ERC2: variants seen among roughly 807,000 people sequenced by gnomAD.
The protein encoded by ERC2 is ELKS/RAB6-interacting/CAST family member 2.
In ERC2, 42 loss-of-function variants were observed where a neutral mutation model predicts 114.8. The ratio of observed to expected loss-of-function variants is 0.37; its 90% CI spans 0.29 to 0.47. ERC2 has a LOEUF of 0.47. ERC2 is among the 20% of genes least tolerant of loss of function. The pLI, the probability that ERC2 is intolerant of heterozygous loss-of-function variation, is 0.99. For synonymous variants in ERC2, 454 were observed against 425.5 expected, an observed-to-expected ratio of 1.07 and a Z score of -0.82; for missense variants, 939 against 1,150.7, an observed-to-expected ratio of 0.82 and a Z score of 2.66.
At chr3:55,850,157 C>T (rs1485011238) in intron 14 of ERC2, among the ~76,000 whole-genome samples, 3 of 152,180 alleles carry the variant, frequency 2.0e-5, no homozygotes, top group African/African-American at 7.2e-5. Flanking sequence ...TGGTCTGTGT[C>T]TCTGTGTATC....
chr3:56,036,304 G>T (rs980006105), intron 7 of ERC2, among the ~76,000 whole-genome samples: 2 of 152,150 alleles, frequency 1.3e-5, no homozygotes, highest in African/African-American at 4.8e-5. Context: ...GACACGACAA[G>T]GATGCCCACT....
intron 3 of ERC2, among the ~76,000 whole-genome samples, chr3:56,208,814 G>C (rs1197958610): frequency 6.6e-6 from 1 of 152,156 alleles, no homozygotes; most frequent in Non-Finnish European, 1.5e-5. Flanking sequence ...ATAGTCAAGG[G>C]GGGCATCTAT....
intron 8 of ERC2, among the ~76,000 whole-genome samples, chr3:56,010,987 C>T (rs540917793): frequency 1.3e-5 from 2 of 152,350 alleles, no homozygotes; most frequent in East Asian, 1.9e-4. Flanking sequence ...GCTCCGCCCT[C>T]TTTGCTTAGC....
In ERC2 at chr3:56,181,045, T is replaced by G. The variant is rs1407761298; in HGVS notation, c.1075-7525A>C. On this transcript the variant is annotated intron_variant, in intron 3 of 17. Coordinates refer to ENST00000288221, the MANE Select transcript of ERC2 (RefSeq NM_015576.3). ...ATACCAGCTGTCTATTGCACAAAGC[T>G]TTTTTGCATTTTGGGTTTTACCCAA... is the stretch of plus-strand genomic sequence containing the variant. Among the ~76,000 whole-genome samples, 3 of 152,222 alleles carry G rather than the reference T, an allele frequency of 2.0e-5. No homozygotes were observed. The East Asian group carries it at 5.8e-4, about 29-fold the overall frequency.
chr3:55,764,568 A>C (rs1355310597), intron 14 of ERC2, among the ~76,000 whole-genome samples: 2 of 152,236 alleles, frequency 1.3e-5, no homozygotes, highest in Non-Finnish European at 1.5e-5. Context: ...TATTTTGCTC[A>C]TCAAATCTTC....
chr3:55,696,873 CCTT>C (rs1458314666), intron 16 of ERC2, among the ~76,000 whole-genome samples: 2 of 152,124 alleles, frequency 1.3e-5, no homozygotes, highest in African/African-American at 4.8e-5. Flanking sequence ...CTTAATCTCT[CCTT>C]CTCTAATTAA....
chr3:55,911,433 G>T (rs1461965110), intron 13 of ERC2, among the ~76,000 whole-genome samples: 1 of 151,990 alleles, frequency 6.6e-6, no homozygotes, highest in African/African-American at 2.4e-5. Context: ...CATCGTAAGC[G>T]GCTAGTCTGC....
intron 7 of ERC2, among the ~76,000 whole-genome samples, chr3:56,028,959 C>T (rs151232442): frequency 6.6e-6 from 1 of 152,020 alleles, no homozygotes; most frequent in Non-Finnish European, 1.5e-5. Flanking sequence ...TGTGCTTTAT[C>T]AAGCTGAGAT....
chr3:55,807,315 T>C (rs1382073437), intron 14 of ERC2, among the ~76,000 whole-genome samples: 1 of 152,210 alleles, frequency 6.6e-6, no homozygotes, highest in Non-Finnish European at 1.5e-5. Context: ...CCAATATAAT[T>C]GAGAAGTGAT....
intron 6 of ERC2, among the ~76,000 whole-genome samples, chr3:56,090,018 T>C (rs2149782734): frequency 6.6e-6 from 1 of 152,284 alleles, no homozygotes; most frequent in Non-Finnish European, 1.5e-5. Flanking sequence ...TACTGACCTC[T>C]ACAAAAGAAA....
At chr3:56,083,274 C>T (rs28697998) in intron 6 of ERC2, among the ~76,000 whole-genome samples, 27,128 of 152,046 alleles carry the variant, frequency 0.18, 2,573 homozygotes, top group African/African-American at 0.23. Context: ...CTCAAAAGCA[C>T]CCCGAGTGAA....
intron 17 of ERC2, among the ~76,000 whole-genome samples, chr3:55,651,014 ATTTTTTTT>A (rs71096493): frequency 2.2e-4 from 21 of 96,320 alleles, no homozygotes; most frequent in Admixed American, 6.2e-4. Context: ...CACCCAGCTA[ATTTTTTTT>A]TTTTTTTTTT....
chr3:55,762,632 G>A (rs1363120226), intron 14 of ERC2, among the ~76,000 whole-genome samples: 1 of 152,070 alleles, frequency 6.6e-6, no homozygotes, highest in Non-Finnish European at 1.5e-5. Flanking sequence ...AGAAACGAAG[G>A]GACCCAGACC....
intron 14 of ERC2, among the ~76,000 whole-genome samples, chr3:55,848,254 A>G (rs1198175728): frequency 2.0e-5 from 3 of 152,290 alleles, no homozygotes; most frequent in East Asian, 1.9e-4. Flanking sequence ...ATCTGTTTCC[A>G]TATCCTATTA....
At chr3:55,703,863 CT>C (rs1416856106) in intron 15 of ERC2, among the ~76,000 whole-genome samples, 1 of 152,148 alleles carries the variant, frequency 6.6e-6, no homozygotes, top group African/African-American at 2.4e-5. Context: ...ATGTGCATAG[CT>C]TTGGAGCTGT....
chr3:55,770,125 T>G (rs900618217), intron 14 of ERC2, among the ~76,000 whole-genome samples: 4 of 152,220 alleles, frequency 2.6e-5, no homozygotes, highest in Non-Finnish European at 5.9e-5. Flanking sequence ...CTTTTTTCTC[T>G]GCCAGGAGAA....
intron 2 of ERC2, among the ~76,000 whole-genome samples, chr3:56,415,254 G>A (rs1413907457): frequency 6.6e-6 from 1 of 152,188 alleles, no homozygotes; most frequent in Non-Finnish European, 1.5e-5. Flanking sequence ...ATTTTAATGA[G>A]TGGATGGATG....
At chr3:55,802,143 T>C (rs746514483) in intron 14 of ERC2, among the ~76,000 whole-genome samples, 1 of 152,242 alleles carries the variant, frequency 6.6e-6, no homozygotes, top group Non-Finnish European at 1.5e-5. Context: ...TCACAGTGTA[T>C]ATCTACAATT....
chr3:56,084,275 T>C (rs1364052572), intron 6 of ERC2, among the ~76,000 whole-genome samples: 1 of 152,124 alleles, frequency 6.6e-6, no homozygotes, highest in Non-Finnish European at 1.5e-5. Context: ...GGAATGTAAA[T>C]TAGTAAAACC....
Sources: allele counts gnomAD v4.1 joint callset (sites outside exome capture counted in the v4.1 genomes callset), GRCh38; gene constraint gnomAD v4.1.1; transcripts MANE v1.5; gene names NCBI Gene and HGNC (gene_info 2026-07-23, HGNC 2026-07-21).